Variants in SOS2 observed in about 807,000 individuals in gnomAD.
SOS2 encodes son of sevenless homolog 2.
A neutral mutation model predicts 148.2 loss-of-function variants in SOS2; 65 were observed. The observed-to-expected ratio is 0.44, with a 90% CI of 0.36 to 0.54. The LOEUF is 0.54. Among genes scored for constraint, SOS2 ranks in the 20% least tolerant of loss-of-function variants. SOS2 has a pLI of 0.00. For synonymous variants in SOS2, 539 were observed against 537.1 expected (o/e 1.00, Z -0.05); for missense variants, 1,341 against 1,590.2 (o/e 0.84, Z 2.67).
chr14:50,153,131 A>G lies in SOS2; in HGVS notation c.2100T>C (p.Tyr700=). Residue 700 remains tyrosine, a synonymous_variant, in exon 13 of 23, where the codon TAT becomes TAC. Coordinates refer to ENST00000216373, the MANE Select transcript of SOS2 (RefSeq NM_006939.4). ...VFRHWVEHHF[Y]DFERDLELLE... ...GCAATTCCAAGTCTCTTTCAAAGTC[A>G]TAAAAATGATGTTCAACCCAATGCC... The G allele has an allele frequency of 6.2e-7, 1 of 1,607,960 alleles. No homozygotes were observed. Among genetic ancestry groups the G allele is most frequent in the Non-Finnish European group, 8.5e-7 (1 of 1,175,180 alleles).
At position 50,198,262 on chromosome 14, in the gene SOS2, T is replaced by A. The variant is rs561374019; in HGVS notation, c.510+1429A>T. On this transcript the variant is annotated intron_variant, in intron 4 of 22. Coordinates refer to ENST00000216373, the MANE Select transcript of SOS2 (RefSeq NM_006939.4). ...GTTCTTGTTTATAGGACATACTATATTGGCAACTTACTCTCATATGGTTCA... is the reference window on the plus strand; with the variant it reads ...GTTCTTGTTTATAGGACATACTATAATGGCAACTTACTCTCATATGGTTCA... Among the ~76,000 whole-genome samples, 191 of 152,174 alleles carry A rather than the reference T, an allele frequency of 1.3e-3. 2 individuals carry two copies. Among genetic ancestry groups the A allele is most frequent in the Admixed American group, 5.0e-3 (77 of 15,270 alleles).
rs116162949 is a variant in SOS2, at chr14:50,150,064, T to A, written c.2328A>T (p.Thr776=). 1.5e-5 allele frequency: 25 copies of A among 1,614,064 alleles called. No individual in the cohort carries two copies. The South Asian group carries it at 2.7e-4, about 18-fold the overall frequency. The change falls in exon 14 of 23, where the codon ACA becomes ACT. Residue 776 remains threonine (T), a synonymous_variant. Coordinates refer to ENST00000216373, the MANE Select transcript of SOS2 (RefSeq NM_006939.4). ...GACGTGCAATTTCTATTGGATGAAGTGTCATGAGATCAAATGTTTCAAACT... is the reference window on the plus strand; with the variant it reads ...GACGTGCAATTTCTATTGGATGAAGAGTCATGAGATCAAATGTTTCAAACT... ...PGQFETFDLM[T]LHPIEIARQL... is the part of the protein sequence containing the mutation.
chr14:50,121,028 G>A (rs1190359963), intron 21 of SOS2, among the ~76,000 whole-genome samples: 2 of 151,992 alleles, frequency 1.3e-5, no homozygotes, highest in Admixed American at 6.5e-5. Flanking sequence ...ATGAACCACC[G>A]TGCCCTGCGA....
chr14:50,125,490 C>A (rs968365363), intron 21 of SOS2, among the ~76,000 whole-genome samples: 1 of 151,848 alleles, frequency 6.6e-6, no homozygotes, highest in Non-Finnish European at 1.5e-5. Context: ...CACAGAACAA[C>A]AAGAAAAATA....
At chr14:50,152,908 T>C (rs1884705332) in intron 13 of SOS2, among the ~76,000 whole-genome samples, 162 bp downstream of exon 13, 1 of 151,700 alleles carries the variant, frequency 6.6e-6, no homozygotes, top group Non-Finnish European at 1.5e-5. Context: ...GAGGTTGCAG[T>C]GAGCTGAGAT....
At chr14:50,126,954 G>A (rs1346649876) in intron 21 of SOS2, among the ~76,000 whole-genome samples, 3 of 151,734 alleles carry the variant, frequency 2.0e-5, no homozygotes, top group Non-Finnish European at 4.4e-5. Flanking sequence ...TTGTGAAGCT[G>A]TAGATTATTA....
At chr14:50,119,539 T>G (rs956544897) in intron 22 of SOS2, among the ~76,000 whole-genome samples, 1 of 152,078 alleles carries the variant, frequency 6.6e-6, no homozygotes, top group Non-Finnish European at 1.5e-5. Context: ...TTATTTTTAT[T>G]TTTAGTTTTT....
At chr14:50,145,015 A>G (rs1884423130) in intron 16 of SOS2, among the ~76,000 whole-genome samples, 155 bp downstream of exon 16, 1 of 151,986 alleles carries the variant, frequency 6.6e-6, no homozygotes, top group Non-Finnish European at 1.5e-5. Context: ...ATTAACTAAT[A>G]TATCAACATA....
At chr14:50,195,762 G>A (rs1052355721) in intron 4 of SOS2, among the ~76,000 whole-genome samples, 17 of 151,996 alleles carry the variant, frequency 1.1e-4, no homozygotes, top group African/African-American at 3.9e-4. Context: ...TGGGTGTGGT[G>A]GCTCAAGCCT....
chr14:50,171,197 G>A (rs1037604360), intron 8 of SOS2, among the ~76,000 whole-genome samples: 6 of 151,876 alleles, frequency 4.0e-5, no homozygotes, highest in Non-Finnish European at 7.4e-5. Context: ...ACTGTTGGTA[G>A]GAATGTACAA....
chr14:50,119,001 T>C (rs1447142333), intron 22 of SOS2, 148 bp from the exon 23 acceptor site: 2 of 467,434 alleles, frequency 4.3e-6, no homozygotes, highest in Admixed American at 3.8e-5. Flanking sequence ...TGAGTACTCC[T>C]AGATTAATTC....
chr14:50,187,571 G>A (rs1566843551), intron 5 of SOS2, among the ~76,000 whole-genome samples: 3 of 151,468 alleles, frequency 2.0e-5, no homozygotes, highest in Non-Finnish European at 4.4e-5. Context: ...GGATGGTCTC[G>A]ATCTCCTGAC....
In SOS2 at chr14:50,117,962, T is replaced by G; in HGVS notation, c.*382A>C. The stretch of plus-strand genomic sequence containing the variant: ...AGTAACACCATATACCCCTCCCATA[T>G]TTGTGTAAATTCACTGCCTTAAAAA... On this transcript the variant is annotated 3_prime_UTR_variant, in exon 23 of 23. Coordinates refer to ENST00000216373, the MANE Select transcript of SOS2 (RefSeq NM_006939.4). The G allele has an allele frequency of 5.8e-6, 1 of 171,208 alleles. No individual in the cohort carries two copies. The allele number at this position is 171,208 out of a possible 1,614,324, so 10.6% of individuals were successfully genotyped here. A position where few individuals can be genotyped will look rare whatever the true frequency, so the allele number is the denominator to read the frequency against.
In SOS2 at chr14:50,150,247, T is replaced by A; in HGVS notation, c.2162-17A>T. The A allele has an allele frequency of 6.8e-7, 1 of 1,475,808 alleles. No homozygotes were observed. Among genetic ancestry groups the A allele is most frequent in the Non-Finnish European group, 9.5e-7 (1 of 1,055,362 alleles). 91.4% of individuals were successfully genotyped at this position (1,475,808 alleles called of 1,614,324 possible). A position where few individuals can be genotyped will look rare whatever the true frequency, so the allele number is the denominator to read the frequency against. ...TAGCTTTCCCTGGAAAAAGAACACA[T>A]AAAGAAAAATGTCTTTTACTTGACA... On this transcript the variant is annotated splice_polypyrimidine_tract_variant and intron_variant, in intron 13 of 22. Transcript: ENST00000216373.
intron 12 of SOS2, among the ~76,000 whole-genome samples, 185 bp from the exon 13 acceptor site, chr14:50,153,358 G>A (rs958734557): frequency 4.6e-5 from 7 of 151,880 alleles, no homozygotes; most frequent in Non-Finnish European, 1.0e-4. Flanking sequence ...TCTCCAAACG[G>A]TGTATTATTT....
chr14:50,207,140 A>T (rs1056920597), intron 1 of SOS2, among the ~76,000 whole-genome samples: 4 of 152,168 alleles, frequency 2.6e-5, no homozygotes, highest in East Asian at 1.9e-4. Flanking sequence ...CATTTAGAAA[A>T]TTTTTTTTAA....
chr14:50,118,570 G>A lies in SOS2; in HGVS notation c.3773C>T (p.Ser1258Leu), dbSNP rs769093505. The A allele has an allele frequency of 4.3e-6, 7 of 1,614,134 alleles. No homozygotes were observed. Among genetic ancestry groups the A allele is most frequent in the Admixed American group, 1.7e-5 (1 of 60,020 alleles). The change falls in exon 23 of 23, where the codon TCG becomes TTG. Residue 1258 changes from serine to leucine, a missense_variant. Coordinates refer to ENST00000216373, the MANE Select transcript of SOS2 (RefSeq NM_006939.4). ...GGGTGTGCTAGGAGGAGTGCTTGGC[G>A]AATTTGGACACGTACTAATGTCTCT... The part of the protein sequence containing the change: ...WLRDISTCPN[S>L]PSTPPSTPSP...
At chr14:50,142,096 C>T (rs1287047011) in intron 16 of SOS2, among the ~76,000 whole-genome samples, 1 of 151,744 alleles carries the variant, frequency 6.6e-6, no homozygotes, top group Non-Finnish European at 1.5e-5. Context: ...GAACCTCTGC[C>T]TCCCGGGTTC....
chr14:50,148,189 A>G lies in SOS2; in HGVS notation c.2384+1819T>C, dbSNP rs144809325. Among the ~76,000 whole-genome samples, 1,067 of 152,164 alleles carry G rather than the reference A, an allele frequency of 7.0e-3. 14 individuals carry two copies. The highest frequency in any genetic ancestry group is 0.024 in the African/African-American group (1,010 of 41,506). On this transcript the variant is annotated intron_variant, in intron 14 of 22. Coordinates refer to ENST00000216373, the MANE Select transcript of SOS2 (RefSeq NM_006939.4). ...CACTTTGGGAGGCTGAGGTGGGTGG[A>G]TCACTGGAGGTAAGGAGTTCGTGAC...
Sources: gnomAD v4.1 joint callset for allele counts (sites outside exome capture counted in the v4.1 genomes callset) on GRCh38, gnomAD v4.1.1 for gene constraint, MANE v1.5 for transcripts, NCBI Gene and HGNC (gene_info 2026-07-23, HGNC 2026-07-21) for gene names.